The following B3GALNT1 variants were observed in gnomAD, a reference collection of about 807,000 sequenced individuals.
B3GALNT1 encodes the protein UDP-GalNAc:beta-1,3-N-acetylgalactosaminyltransferase 1.
B3GALNT1 carries 17 observed loss-of-function variants against 27.3 expected under a neutral mutation model. That is an observed-to-expected ratio of 0.62 (90% CI 0.43 to 0.94). B3GALNT1 has a LOEUF of 0.94. B3GALNT1 is among the 40% of genes least tolerant of loss of function. B3GALNT1 has a pLI of 0.00. For synonymous variants in B3GALNT1, 141 were observed against 144.0 expected (o/e 0.98, Z 0.15); for missense variants, 347 against 390.0 (o/e 0.89, Z 0.93).
intron 1 of B3GALNT1, 105 bp downstream of exon 1, chr3:161,105,130 G>T (rs1188104502): frequency 3.3e-5 from 5 of 152,476 alleles, no homozygotes; most frequent in African/African-American, 1.2e-4. Context: ...AGGCGTTTCC[G>T]AGGACGGCGC....
chr3:161,094,997 AAAATATAT>A (rs1332735067), intron 4 of B3GALNT1, among the ~76,000 whole-genome samples: 1 of 152,086 alleles, frequency 6.6e-6, no homozygotes, highest in Non-Finnish European at 1.5e-5. Flanking sequence ...TTTTAATTAA[AAAATATAT>A]AAATATATAG....
rs377618969 is a variant in B3GALNT1 at position 161,086,375 on chromosome 3, T to C, written c.380A>G (p.Lys127Arg). The C allele has an allele frequency of 4.2e-5, 67 of 1,614,054 alleles. No individual in the cohort carries two copies. Among genetic ancestry groups the C allele is most frequent in the Middle Eastern group, 1.6e-4 (1 of 6,084 alleles). ...ATCCTCTAAGGACAATGCCAACATTTTGTCTTCCTTTTCAGCCTCTTGGCC... is the reference window on the plus strand; with the variant it reads ...ATCCTCTAAGGACAATGCCAACATTCTGTCTTCCTTTTCAGCCTCTTGGCC... ...LLGQEAEKED[K>R]MLALSLEDEH... is the part of the protein sequence containing the mutation. Residue 127 changes from lysine (K) to arginine (R), a missense_variant, in exon 5 of 5, where the codon AAA becomes AGA. By Grantham distance (26) the Lys-to-Arg change is conservative. Coordinates refer to ENST00000320474, the MANE Select transcript of B3GALNT1 (RefSeq NM_003781.4).
At chr3:161,088,818 G>A (rs917602833) in intron 4 of B3GALNT1, among the ~76,000 whole-genome samples, 7 of 152,164 alleles carry the variant, frequency 4.6e-5, no homozygotes, top group African/African-American at 9.7e-5. Context: ...TATGGATGAT[G>A]GGGGCCCTAC....
chr3:161,088,545 T>TAC (rs1474225670), intron 4 of B3GALNT1, among the ~76,000 whole-genome samples: 2 of 152,168 alleles, frequency 1.3e-5, no homozygotes, highest in Non-Finnish European at 2.9e-5. Context: ...TTACTTGCCA[T>TAC]ACACTGCCAA....
rs189375137 is a variant in B3GALNT1, at chr3:161,101,162, G to A, written c.-58C>T. On this transcript the variant is annotated 5_prime_UTR_variant, in exon 4 of 5. Transcript: ENST00000320474. Reference sequence around the variant, plus strand: ...ACCTTTACACTCGGGGTGAGTAGTCGGAGAGCACCACGTGATAGAGCAGCC... The same window carrying A: ...ACCTTTACACTCGGGGTGAGTAGTCAGAGAGCACCACGTGATAGAGCAGCC... 6.7e-4 allele frequency: 864 copies of A among 1,289,746 alleles called. 2 individuals are homozygous for A. Among genetic ancestry groups the A allele is most frequent in the Non-Finnish European group, 7.8e-4 (774 of 988,868 alleles). 79.9% of individuals were successfully genotyped at this position (1,289,746 alleles called of 1,614,324 possible). A position where few individuals can be genotyped will look rare whatever the true frequency, so the allele number is the denominator to read the frequency against.
rs531268136 is a variant in B3GALNT1, at chr3:161,083,907, G to A, written c.*1852C>T. 2.0e-5 allele frequency: 3 copies of A among 152,050 alleles called. No individual in the cohort carries two copies. Among genetic ancestry groups the A allele is most frequent in the Non-Finnish European group, 4.4e-5 (3 of 68,016 alleles). 9.4% of individuals were successfully genotyped at this position (152,050 alleles called of 1,614,324 possible). On this transcript the variant is annotated 3_prime_UTR_variant, in exon 5 of 5. Transcript: ENST00000320474. ...ATTATAAAAAGTAAATACACAAACC[G>A]GTGTCATTTATTGTCATTATCAGTA...
chr3:161,096,820 C>T (rs914970004), intron 4 of B3GALNT1, among the ~76,000 whole-genome samples: 4 of 152,182 alleles, frequency 2.6e-5, no homozygotes, highest in African/African-American at 9.7e-5. Flanking sequence ...TCTCACTTTG[C>T]GGCACATTAT....
chr3:161,104,555 C>T (rs1413864623), intron 1 of B3GALNT1, 149 bp from the exon 2 acceptor site: 5 of 364,410 alleles, frequency 1.4e-5, no homozygotes, highest in South Asian at 8.6e-5. Flanking sequence ...AAGTGAGACT[C>T]CGTTGCACCT....
chr3:161,103,614 G>T, intron 2 of B3GALNT1, 97 bp from the exon 3 acceptor site: 1 of 356,734 alleles, frequency 2.8e-6, no homozygotes, highest in Non-Finnish European at 4.7e-6. Context: ...TGTTTTTGGA[G>T]CCATTTATTA....
At position 161,089,745 on chromosome 3, in the gene B3GALNT1, A is replaced by C. The variant is rs1723990803; in HGVS notation, c.-34-2957T>G. On this transcript the variant is annotated intron_variant, in intron 4 of 4. Transcript: ENST00000320474. ...TATAAATGTGCTGTTAATTAAGGTA[A>C]ATGTAAATGTAAACTTATCTACTAA... 2.0e-5 allele frequency among the ~76,000 whole-genome samples: 3 copies of C among 152,168 alleles called. No homozygotes were observed. In the South Asian group the frequency reaches 6.2e-4, roughly 31 times the overall value.
At chr3:161,104,218 A>G (rs1733044490) in intron 2 of B3GALNT1, 101 bp downstream of exon 2, 3 of 911,144 alleles carry the variant, frequency 3.3e-6, no homozygotes, top group Non-Finnish European at 4.5e-6. Flanking sequence ...ACACATGCAT[A>G]CTAAGAGCAC....
chr3:161,086,850 TCTGA>T (rs1209863893), intron 4 of B3GALNT1, 62 bp from the exon 5 acceptor site: 51 of 1,486,544 alleles, frequency 3.4e-5, no homozygotes, highest in African/African-American at 3.2e-4. Context: ...TCAAAAGACA[TCTGA>T]CTATCTACTC....
rs1160995328 is a variant in B3GALNT1 at position 161,086,377 on chromosome 3, G to A, written c.378C>T (p.Asp126=). The change falls in exon 5 of 5, where the codon GAC becomes GAT. Residue 126 remains aspartate (D), a synonymous_variant. Coordinates refer to ENST00000320474, the MANE Select transcript of B3GALNT1 (RefSeq NM_003781.4). Reference sequence around the variant, plus strand: ...CCTCTAAGGACAATGCCAACATTTTGTCTTCCTTTTCAGCCTCTTGGCCTA... The same window carrying A: ...CCTCTAAGGACAATGCCAACATTTTATCTTCCTTTTCAGCCTCTTGGCCTA... The part of the protein sequence containing the change: ...FLLGQEAEKE[D]KMLALSLEDE... 1.2e-6 allele frequency: 2 copies of A among 1,614,106 alleles called. No homozygotes were observed. The highest frequency in any genetic ancestry group is 3.3e-5 in the Admixed American group (2 of 60,014).
rs1559963079 is a variant in B3GALNT1, at chr3:161,086,020, C to T, written c.735G>A (p.Met245Ile). 2 of 1,586,754 alleles carry T rather than the reference C, an allele frequency of 1.3e-6. No homozygotes were observed. The highest frequency in any genetic ancestry group is 1.8e-5 in the Admixed American group (1 of 55,942). ...AGATCCTTGGCACCAAATCTCTGGA[C>T]ATTATATAACCCAACCCACTGCAGT... ...PPYCSGLGYI[M>I]SRDLVPRIYE... Residue 245 changes from methionine to isoleucine, a missense_variant, in exon 5 of 5, where the codon ATG becomes ATA. Met to Ile is a conservative substitution (Grantham distance 10). Coordinates refer to ENST00000320474, the MANE Select transcript of B3GALNT1 (RefSeq NM_003781.4).
intron 2 of B3GALNT1, 39 bp from the exon 3 acceptor site, chr3:161,103,556 A>ATTCCTAATGTTATGACT: frequency 2.3e-6 from 2 of 854,206 alleles, no homozygotes; most frequent in Non-Finnish European, 3.2e-6. Context: ...ATGAGTCATA[A>ATTCCTAATGTTATGACT]CATTAGGAAT....
Position 161,095,541 on chromosome 3 carries a change from T to C in B3GALNT1, c.-35+5598A>G, listed in dbSNP as rs35430044. Among the ~76,000 whole-genome samples, 497 of 152,314 alleles carry C rather than the reference T, an allele frequency of 3.3e-3. 1 individual carries two copies. Among genetic ancestry groups the C allele is most frequent in the African/African-American group, 0.011 (472 of 41,566 alleles). On this transcript the variant is annotated intron_variant, in intron 4 of 4. Transcript: ENST00000320474. ...ATAACTGCCCTGCTGATGCTGCCCA[T>C]GGGGTTTGGGTTGGCTTGACATGGC...
intron 4 of B3GALNT1, among the ~76,000 whole-genome samples, chr3:161,092,056 G>A (rs557501666): frequency 3.9e-5 from 6 of 152,128 alleles, no homozygotes; most frequent in South Asian, 2.1e-4. Flanking sequence ...ATAATTAATC[G>A]TAACATCATA....
chr3:161,100,948 C>G (rs1730919265), intron 4 of B3GALNT1, among the ~76,000 whole-genome samples, 191 bp downstream of exon 4: 1 of 152,014 alleles, frequency 6.6e-6, no homozygotes, highest in Non-Finnish European at 1.5e-5. Flanking sequence ...TAACATCAAT[C>G]CCATTTTCCA....
intron 3 of B3GALNT1, among the ~76,000 whole-genome samples, chr3:161,102,345 A>C (rs1476624102): frequency 6.6e-6 from 1 of 152,130 alleles, no homozygotes; most frequent in Admixed American, 6.5e-5. Flanking sequence ...TCAGAGATTC[A>C]AGGAGTGCAG....
Sources: allele counts gnomAD v4.1 joint callset (sites outside exome capture counted in the v4.1 genomes callset), GRCh38; gene constraint gnomAD v4.1.1; transcripts MANE v1.5; gene names NCBI Gene and HGNC (gene_info 2026-07-23, HGNC 2026-07-21).